Variants in APLF observed in about 807,000 individuals in gnomAD.
APLF encodes the protein aprataxin and PNK-like factor.
In APLF, 61 loss-of-function variants were observed where a neutral mutation model predicts 55.6. That is an observed-to-expected ratio of 1.10 (90% confidence interval 0.89 to 1.36). The LOEUF (loss-of-function observed/expected upper bound fraction) is 1.36. Ranked by LOEUF, APLF falls within the 40% of genes most tolerant of loss-of-function variation. The pLI is 0.00. For synonymous variants in APLF, 207 were observed against 214.8 expected, an observed-to-expected ratio of 0.96 and a Z score of 0.32; for missense variants, 611 against 602.5, an observed-to-expected ratio of 1.01 and a Z score of -0.15.
intron 6 of APLF, 22 bp downstream of exon 6, chr2:68,526,264 TTTGA>T: frequency 6.3e-7 from 1 of 1,590,910 alleles, no homozygotes; most frequent in East Asian, 2.2e-5. Flanking sequence ...AAATTCATTA[TTTGA>T]TTGTTTTTTT....
intron 2 of APLF, among the ~76,000 whole-genome samples, chr2:68,493,836 C>T (rs574281716): frequency 2.3e-3 from 352 of 151,546 alleles, no homozygotes; most frequent in Non-Finnish European, 4.5e-3. Context: ...TGGCCAGGCG[C>T]GGTGGCTCAC....
chr2:68,571,160 ATTTGTTTGAGTTCT>A (rs1671449838), intron 9 of APLF, among the ~76,000 whole-genome samples: 1 of 151,726 alleles, frequency 6.6e-6, no homozygotes, highest in Admixed American at 6.6e-5. Context: ...TTTCTTGTAA[ATTTGTTTGAGTTCT>A]TTGTAGATTC....
At position 68,505,140 on chromosome 2, in the gene APLF, AT is replaced by A. The variant is rs1377346765; in HGVS notation, c.341+2239del. ...TTTAGTTAAATGAAATTCATTAATC[AT>A]TGCTTACTACTTTAAAGTACATGTC... On this transcript the variant is annotated intron_variant, in intron 3 of 9. Transcript: ENST00000303795. Among the ~76,000 whole-genome samples, 3 of 152,174 alleles carry A rather than the reference AT, an allele frequency of 2.0e-5. No homozygotes were observed. The East Asian group carries it at 5.8e-4, about 29-fold the overall frequency.
intron 5 of APLF, among the ~76,000 whole-genome samples, chr2:68,519,694 T>A (rs2103971844): frequency 6.6e-6 from 1 of 150,554 alleles, no homozygotes; most frequent in East Asian, 1.9e-4. Context: ...ATATATATAT[T>A]AGTTTCTTTA....
At chr2:68,474,569 C>A (rs1434797966) in intron 1 of APLF, among the ~76,000 whole-genome samples, 1 of 152,158 alleles carries the variant, frequency 6.6e-6, no homozygotes, top group Non-Finnish European at 1.5e-5. Flanking sequence ...ATTTTCATCC[C>A]CCATTTACTA....
At chr2:68,489,222 C>T (rs1676280436) in intron 1 of APLF, among the ~76,000 whole-genome samples, 1 of 152,158 alleles carries the variant, frequency 6.6e-6, no homozygotes, top group Non-Finnish European at 1.5e-5. Context: ...GGCAGTTTCA[C>T]ATTTTTTGTG....
At chr2:68,530,296 A>C (rs1296885863) in intron 6 of APLF, among the ~76,000 whole-genome samples, 2,269 of 128,624 alleles carry the variant, frequency 0.018, no homozygotes, top group African/African-American at 0.066. Context: ...TAATAAGCAC[A>C]TGCACACCTC....
intron 1 of APLF, among the ~76,000 whole-genome samples, chr2:68,473,674 T>G (rs891873495): frequency 1.3e-5 from 2 of 152,194 alleles, no homozygotes; most frequent in African/African-American, 4.8e-5. Flanking sequence ...CTTATCAACA[T>G]TTGGTGTTAT....
At chr2:68,482,709 G>T (rs549482330) in intron 1 of APLF, among the ~76,000 whole-genome samples, 3 of 152,186 alleles carry the variant, frequency 2.0e-5, no homozygotes, top group Non-Finnish European at 2.9e-5. Flanking sequence ...GTGTGGGACA[G>T]TTTGGCTGGC....
In APLF at chr2:68,573,046, C is replaced by T. The variant is rs371613688; in HGVS notation, c.1334-4774C>T. Among the ~76,000 whole-genome samples the T allele has an allele frequency of 2.6e-4, 40 of 152,138 alleles. 1 individual carries two copies. The highest frequency in any genetic ancestry group is 9.4e-4 in the African/African-American group (39 of 41,508). On this transcript the variant is annotated intron_variant, in intron 9 of 9. Transcript: ENST00000303795. The stretch of plus-strand genomic sequence containing the variant: ...ATTGTCATTCTCATATTACAAATTC[C>T]TCTGCATATATAAAAAAATCAGAAA...
intron 5 of APLF, among the ~76,000 whole-genome samples, chr2:68,517,251 ATAATATATTAATATATG>A (rs1486389587): frequency 1.2e-5 from 1 of 82,786 alleles, no homozygotes; most frequent in Non-Finnish European, 2.2e-5. Flanking sequence ...TCATTACTAT[ATAATATATTAATATATG>A]TCATTACTAT....
chr2:68,498,852 C>T (rs552452353), intron 2 of APLF, among the ~76,000 whole-genome samples: 7 of 151,938 alleles, frequency 4.6e-5, no homozygotes, highest in Admixed American at 3.3e-4. Context: ...TCTTTTTTGC[C>T]TTTTATTATT....
At chr2:68,494,440 T>C (rs1676474582) in intron 2 of APLF, among the ~76,000 whole-genome samples, 1 of 151,900 alleles carries the variant, frequency 6.6e-6, no homozygotes, top group South Asian at 2.1e-4. Flanking sequence ...ATGTCACATG[T>C]TGAAAGCAGG....
intron 1 of APLF, among the ~76,000 whole-genome samples, chr2:68,484,721 G>A (rs902099554): frequency 2.0e-5 from 3 of 151,426 alleles, no homozygotes. Flanking sequence ...TTAAGGCCAG[G>A]CACAGTGACT....
At chr2:68,517,140 A>G (rs1669619478) in intron 5 of APLF, among the ~76,000 whole-genome samples, 1 of 125,292 alleles carries the variant, frequency 8.0e-6, no homozygotes, top group Non-Finnish European at 1.6e-5. Flanking sequence ...ATAACATATT[A>G]ATATATGTTA....
At chr2:68,517,484 T>C (rs1167008034) in intron 5 of APLF, among the ~76,000 whole-genome samples, 2 of 140,342 alleles carry the variant, frequency 1.4e-5, no homozygotes, top group East Asian at 4.3e-4. Context: ...TTACTATATA[T>C]TAATATATCA....
rs148022399 is a variant in APLF at position 68,513,603 on chromosome 2, G to A, written c.545G>A (p.Arg182Lys). The A allele has an allele frequency of 3.6e-4, 588 of 1,611,488 alleles. No homozygotes were observed. The highest frequency in any genetic ancestry group is 3.6e-4 in the Non-Finnish European group (426 of 1,178,298). Residue 182 changes from arginine to lysine, a missense_variant, in exon 5 of 10, where the codon AGG (arginine) becomes AAG (lysine). Transcript: ENST00000303795. ...AAGCAGCAGCCAATCCTTGCCGAGA[G>A]GAAAAGAATCCTTCCAACTTGGATG... ...CNKQQPILAE[R>K]KRILPTWMLA... is the part of the protein sequence containing the mutation.
intron 5 of APLF, among the ~76,000 whole-genome samples, chr2:68,514,109 T>G (rs979499099): frequency 1.3e-5 from 2 of 151,856 alleles, no homozygotes; most frequent in African/African-American, 4.8e-5. Flanking sequence ...TTATTCATTT[T>G]AGTTATTGTA....
intron 6 of APLF, among the ~76,000 whole-genome samples, chr2:68,527,530 C>T (rs891279906): frequency 1.3e-5 from 2 of 150,996 alleles, no homozygotes; most frequent in African/African-American, 4.9e-5. Flanking sequence ...TCCTCACTTC[C>T]CAGACAGGGC....
Sources: allele counts gnomAD v4.1 joint callset (sites outside exome capture counted in the v4.1 genomes callset), GRCh38; gene constraint gnomAD v4.1.1; transcripts MANE v1.5; gene names NCBI Gene and HGNC (gene_info 2026-07-23, HGNC 2026-07-21).